Variants in PGM2L1 observed in about 807,000 individuals in gnomAD.
PGM2L1 encodes phosphoglucomutase 2 like 1, also known as glucose 1,6-bisphosphate synthase.
Under a neutral mutation model 73.4 loss-of-function variants are expected in PGM2L1, and 35 were observed. The ratio of observed to expected loss-of-function variants is 0.48; its 90% CI spans 0.36 to 0.63. PGM2L1 has a LOEUF of 0.63. Ranked by LOEUF, PGM2L1 falls within the 30% of genes least tolerant of loss-of-function variation. The pLI is 0.00. For synonymous variants in PGM2L1, 225 were observed against 253.8 expected (o/e 0.89, Z 1.08); for missense variants, 570 against 742.0 (o/e 0.77, Z 2.69).
chr11:74,384,310 ACT>A (rs1336774100), intron 1 of PGM2L1, among the ~76,000 whole-genome samples: 2 of 152,060 alleles, frequency 1.3e-5, no homozygotes, highest in African/African-American at 4.8e-5. Flanking sequence ...TTAAAAATTT[ACT>A]TTTTGTATTA....
intron 1 of PGM2L1, among the ~76,000 whole-genome samples, chr11:74,393,508 G>A (rs1269566571): frequency 6.6e-6 from 1 of 152,158 alleles, no homozygotes; most frequent in Non-Finnish European, 1.5e-5. Flanking sequence ...AATCATGTGA[G>A]TGACATTGGA....
chr11:74,346,449 TAAGCAGTTTTTG>T (rs1270194273), intron 8 of PGM2L1, among the ~76,000 whole-genome samples: 2 of 152,116 alleles, frequency 1.3e-5, no homozygotes, highest in Non-Finnish European at 2.9e-5. Flanking sequence ...CATTACACTG[TAAGCAGTTTTTG>T]AAGCATTTTG....
At chr11:74,338,662 T>C (rs964795106) in intron 12 of PGM2L1, 61 bp from the exon 13 acceptor site, 1 of 1,508,716 alleles carries the variant, frequency 6.6e-7, no homozygotes, top group African/African-American at 1.4e-5. Flanking sequence ...TTCTTTCATT[T>C]TCAAGAATTG....
chr11:74,356,276 C>A (rs1037828889), intron 5 of PGM2L1, among the ~76,000 whole-genome samples: 1 of 151,936 alleles, frequency 6.6e-6, no homozygotes, highest in African/African-American at 2.4e-5. Flanking sequence ...AAAGGGATTA[C>A]CCAAGCAAAA....
chr11:74,351,439 A>C lies in PGM2L1; in HGVS notation c.693T>G (p.Pro231=). The C allele has an allele frequency of 6.2e-7, 1 of 1,614,080 alleles. No homozygotes were observed. The highest frequency in any genetic ancestry group is 1.1e-5 in the South Asian group (1 of 91,070). Residue 231 remains proline, a synonymous_variant, in exon 6 of 14, where the codon CCT becomes CCG. Transcript: ENST00000298198. ...TGTATCTCCTGCAAATGTCCTGCAG[A>C]GGGTCTCTCTTCAGCGGGCTGGTAT... ...LVDTSPLKRD[P]LQDICRRYME...
At chr11:74,342,781 T>G in intron 11 of PGM2L1, 104 bp downstream of exon 11, 1 of 1,405,518 alleles carries the variant, frequency 7.1e-7, no homozygotes, top group Non-Finnish European at 9.6e-7. Context: ...TTTTAATACT[T>G]TTTAAAAAAG....
intron 1 of PGM2L1, among the ~76,000 whole-genome samples, chr11:74,386,098 T>C (rs570391841): frequency 4.6e-5 from 7 of 152,208 alleles, no homozygotes; most frequent in African/African-American, 1.2e-4. Context: ...AAATTACATA[T>C]ATAAATTCAA....
chr11:74,343,269 TAC>T, intron 10 of PGM2L1, 52 bp downstream of exon 10: 1 of 1,524,980 alleles, frequency 6.6e-7, no homozygotes, highest in East Asian at 2.4e-5. Context: ...CCTACAGAAT[TAC>T]ATTTTAAAAA....
intron 12 of PGM2L1, among the ~76,000 whole-genome samples, chr11:74,341,106 T>C (rs1259221467): frequency 2.6e-5 from 4 of 152,106 alleles, no homozygotes; most frequent in East Asian, 1.9e-4. Context: ...CTCTTTTTCT[T>C]TCTCTCTCTC....
At chr11:74,388,828 T>C in intron 1 of PGM2L1, among the ~76,000 whole-genome samples, 1 of 152,160 alleles carries the variant, frequency 6.6e-6, no homozygotes, top group Middle Eastern at 3.2e-3. Context: ...CATAGAACAT[T>C]TTCTCCATTA....
At chr11:74,337,578 A>G (rs1862117074) in intron 13 of PGM2L1, among the ~76,000 whole-genome samples, 1 of 152,228 alleles carries the variant, frequency 6.6e-6, no homozygotes, top group Non-Finnish European at 1.5e-5. Flanking sequence ...TACTTTTAAT[A>G]CATTTAAGTA....
At chr11:74,381,834 T>G (rs1365669645) in intron 1 of PGM2L1, among the ~76,000 whole-genome samples, 2 of 152,006 alleles carry the variant, frequency 1.3e-5, no homozygotes, top group African/African-American at 4.8e-5. Flanking sequence ...AGTAGAGAGA[T>G]AATGAGTTCA....
intron 6 of PGM2L1, among the ~76,000 whole-genome samples, chr11:74,348,142 C>A (rs1340233880): frequency 6.6e-6 from 1 of 152,164 alleles, no homozygotes; most frequent in Non-Finnish European, 1.5e-5. Context: ...GTCAACCCCT[C>A]TACTTCTGCT....
In PGM2L1 at chr11:74,374,272, C is replaced by CGGGG. The variant is rs57910944; in HGVS notation, c.279+139_279+142dup. On this transcript the variant is annotated intron_variant, in intron 2 of 13. Transcript: ENST00000298198. Reference sequence around the variant, plus strand: ...CTAATTTTTGTATTTTTAGTAGAGACGGGGTTTCACCATGTTGGCCAGGAT... The same window carrying CGGGG: ...CTAATTTTTGTATTTTTAGTAGAGACGGGGGGGGTTTCACCATGTTGGCCAGGAT... 8,856 of 576,686 alleles carry CGGGG rather than the reference C, an allele frequency of 0.015. 728 individuals are homozygous for CGGGG. In the East Asian group the frequency reaches 0.19, roughly 13 times the overall value. 35.7% of individuals were successfully genotyped at this position (576,686 alleles called of 1,614,324 possible). A position where few individuals can be genotyped will look rare whatever the true frequency, so the allele number is the denominator to read the frequency against.
chr11:74,341,618 G>C (rs975871752), intron 12 of PGM2L1, among the ~76,000 whole-genome samples: 1 of 151,370 alleles, frequency 6.6e-6, no homozygotes, highest in Non-Finnish European at 1.5e-5. Flanking sequence ...GTTGAACCTG[G>C]GAGGCAGAGG....
chr11:74,389,934 C>T (rs1307764749), intron 1 of PGM2L1, among the ~76,000 whole-genome samples: 8 of 34,444 alleles, frequency 2.3e-4, no homozygotes, highest in Admixed American at 6.1e-4. Context: ...AAACCCCGTC[C>T]CTACTAAAAA....
rs1402115459 is a variant in PGM2L1, at chr11:74,351,409, T to C, written c.723A>G (p.Glu241=). ...PLQDICRRYM[E]DLKKICFYRE... ...TGTAAAAACAGATCTTTTTCAGATC[T>C]TCCATGTATCTCCTGCAAATGTCCT... The change falls in exon 6 of 14, where the codon GAA becomes GAG. Residue 241 remains glutamate, a synonymous_variant. Transcript: ENST00000298198. 1.2e-6 allele frequency: 2 copies of C among 1,613,442 alleles called. No homozygotes were observed. The highest frequency in any genetic ancestry group is 2.7e-5 in the African/African-American group (2 of 74,906).
At chr11:74,355,681 G>A in intron 5 of PGM2L1, 1 of 511,122 alleles carries the variant, frequency 2.0e-6, no homozygotes, top group East Asian at 5.5e-5. Flanking sequence ...TGGCTATGGT[G>A]GTTCCAATAG....
intron 5 of PGM2L1, among the ~76,000 whole-genome samples, chr11:74,366,504 A>G (rs750753831): frequency 1.4e-4 from 21 of 152,010 alleles, no homozygotes; most frequent in Non-Finnish European, 2.6e-4. Context: ...TGTGAAAGAA[A>G]TAAGATGGCA....
Sources: gnomAD v4.1 joint callset for allele counts (sites outside exome capture counted in the v4.1 genomes callset) on GRCh38, gnomAD v4.1.1 for gene constraint, MANE v1.5 for transcripts, NCBI Gene and HGNC (gene_info 2026-07-23, HGNC 2026-07-21) for gene names.